Variants in SLC4A10 observed in about 807,000 individuals in gnomAD.
SLC4A10 encodes solute carrier family 4 member 10.
Under a neutral mutation model 137.7 loss-of-function variants are expected in SLC4A10, and 42 were observed. That is an observed-to-expected ratio of 0.30 (90% CI 0.24 to 0.39). The LOEUF (loss-of-function observed/expected upper bound fraction) is 0.39, where lower values mean the gene tolerates loss of function less well. SLC4A10 is among the 10% of genes least tolerant of loss of function. The pLI, the probability that SLC4A10 is intolerant of heterozygous loss-of-function variation, is 1.00. For missense variants in SLC4A10, 925 were observed against 1,355.0 expected (o/e 0.68, Z 4.98); for synonymous variants, 474 against 464.1 (o/e 1.02, Z -0.27).
intron 17 of SLC4A10, among the ~76,000 whole-genome samples, chr2:161,948,137 C>T (rs1694157039): frequency 6.6e-6 from 1 of 152,058 alleles, no homozygotes; most frequent in Admixed American, 6.6e-5. Context: ...ATGTTTAAAC[C>T]GTCAGTCCCT....
In SLC4A10 at chr2:161,904,958, C is replaced by T. The variant is rs1006350167; in HGVS notation, c.1751+49C>T. On this transcript the variant is annotated intron_variant, in intron 14 of 26. Coordinates refer to ENST00000446997, the MANE Select transcript of SLC4A10 (RefSeq NM_001178015.2). ...CCTTAGCCTCTTCCTTTTTTCTTTACTGTATTTATACTTCTCCCAACATCA... is the reference window on the plus strand; with the variant it reads ...CCTTAGCCTCTTCCTTTTTTCTTTATTGTATTTATACTTCTCCCAACATCA... 5.0e-6 allele frequency: 8 copies of T among 1,591,268 alleles called. No individual in the cohort carries two copies. In the South Asian group the frequency reaches 9.0e-5, roughly 18 times the overall value.
rs1484586507 is a variant in SLC4A10, at chr2:161,870,310, C to T, written c.767-1983C>T. On this transcript the variant is annotated intron_variant, in intron 6 of 26. Transcript: ENST00000446997. ...TTCAATTTCTTCAAATGTTAAGTTC[C>T]GCATATTTTCTATCCAATTCAAAAT... Among the ~76,000 whole-genome samples the T allele has an allele frequency of 6.6e-5, 10 of 151,572 alleles. No homozygotes were observed. The East Asian group carries it at 9.6e-4, about 15-fold the overall frequency.
At chr2:161,656,177 T>C (rs954408591) in intron 1 of SLC4A10, among the ~76,000 whole-genome samples, 10 of 152,134 alleles carry the variant, frequency 6.6e-5, no homozygotes, top group Non-Finnish European at 1.2e-4. Context: ...TGGTTCAATA[T>C]TCACAAATCA....
intron 17 of SLC4A10, 36 bp from the exon 18 acceptor site, chr2:161,949,112 G>C: frequency 7.3e-7 from 1 of 1,360,586 alleles, no homozygotes; most frequent in Non-Finnish European, 1.0e-6. Flanking sequence ...GATATTTATA[G>C]CTACTTTAAG....
intron 14 of SLC4A10, among the ~76,000 whole-genome samples, chr2:161,905,215 A>C (rs892169206): frequency 6.6e-6 from 1 of 152,172 alleles, no homozygotes; most frequent in African/African-American, 2.4e-5. Flanking sequence ...GACTGGTTTC[A>C]TGGAAGACAA....
intron 1 of SLC4A10, among the ~76,000 whole-genome samples, chr2:161,635,695 G>A (rs759341718): frequency 6.6e-6 from 1 of 152,040 alleles, no homozygotes; most frequent in Non-Finnish European, 1.5e-5. Context: ...AGTGATTTTG[G>A]CACTGTTTTA....
intron 1 of SLC4A10, among the ~76,000 whole-genome samples, chr2:161,654,863 CT>C (rs2037295290): frequency 6.6e-6 from 1 of 151,874 alleles, no homozygotes; most frequent in Non-Finnish European, 1.5e-5. Context: ...ATTTGGGGTT[CT>C]TTGTGGTCTC....
intron 3 of SLC4A10, among the ~76,000 whole-genome samples, chr2:161,829,052 G>T (rs2058244291): frequency 1.3e-5 from 2 of 150,948 alleles, no homozygotes; most frequent in Admixed American, 6.6e-5. Context: ...TTACCATATA[G>T]TCAAAAATAT....
chr2:161,664,302 T>TA (rs2038790334), intron 1 of SLC4A10, among the ~76,000 whole-genome samples: 1 of 151,952 alleles, frequency 6.6e-6, no homozygotes, highest in African/African-American at 2.4e-5. Context: ...AACTCATAAC[T>TA]AAAAGTCACC....
chr2:161,847,174 T>C (rs1575258345), intron 4 of SLC4A10, among the ~76,000 whole-genome samples: 2 of 150,826 alleles, frequency 1.3e-5, no homozygotes, highest in South Asian at 2.1e-4. Context: ...ACCCAGGAGG[T>C]TGTGGCTGCA....
chr2:161,859,594 CTTTTTTTTTTTTT>C (rs72003642), intron 5 of SLC4A10, among the ~76,000 whole-genome samples: 83 of 47,312 alleles, frequency 1.8e-3, no homozygotes, highest in African/African-American at 6.3e-3. Context: ...CTTTTCTTTT[CTTTTTTTTTTTTT>C]TTTTTTTTTT....
intron 1 of SLC4A10, among the ~76,000 whole-genome samples, chr2:161,722,298 C>G (rs1029720959): frequency 5.3e-5 from 8 of 152,164 alleles, no homozygotes; most frequent in Admixed American, 4.6e-4. Flanking sequence ...TGCATTGGTT[C>G]TTTCTCATCT....
chr2:161,930,949 T>A (rs542339146), intron 15 of SLC4A10, among the ~76,000 whole-genome samples: 2 of 105,154 alleles, frequency 1.9e-5, no homozygotes, highest in Non-Finnish European at 4.3e-5. Context: ...ATTTTGTTTT[T>A]TAAGACGCGT....
intron 1 of SLC4A10, among the ~76,000 whole-genome samples, chr2:161,758,552 A>T (rs1347334084): frequency 6.6e-6 from 1 of 151,974 alleles, no homozygotes; most frequent in Non-Finnish European, 1.5e-5. Flanking sequence ...GACTGTTCAA[A>T]TCTAATTTAC....
At chr2:161,743,773 G>A (rs58776857) in intron 1 of SLC4A10, among the ~76,000 whole-genome samples, 363 of 152,126 alleles carry the variant, frequency 2.4e-3, no homozygotes, top group African/African-American at 7.9e-3. Context: ...CATGAACATG[G>A]AACATCTTTC....
chr2:161,643,773 A>G (rs1358939558), intron 1 of SLC4A10, among the ~76,000 whole-genome samples: 1 of 152,166 alleles, frequency 6.6e-6, no homozygotes, highest in Non-Finnish European at 1.5e-5. Context: ...CTTTTCTATC[A>G]TGAAGTCATT....
chr2:161,676,827 G>A (rs1411634785), intron 1 of SLC4A10, among the ~76,000 whole-genome samples: 2 of 152,012 alleles, frequency 1.3e-5, no homozygotes, highest in East Asian at 1.9e-4. Flanking sequence ...CTGCACTCTC[G>A]TTTGTAGTTC....
chr2:161,872,973 C>G (rs1575390899), intron 7 of SLC4A10, among the ~76,000 whole-genome samples: 1 of 152,310 alleles, frequency 6.6e-6, no homozygotes, highest in South Asian at 2.1e-4. Context: ...CTCAGCCTCT[C>G]AAAGTGCTGG....
chr2:161,939,376 G>T (rs899119584), intron 15 of SLC4A10, among the ~76,000 whole-genome samples: 5 of 152,046 alleles, frequency 3.3e-5, no homozygotes, highest in Admixed American at 2.0e-4. Context: ...CACCTGTCCA[G>T]ATTTAGCTAA....
Sources: allele counts gnomAD v4.1 joint callset (sites outside exome capture counted in the v4.1 genomes callset), GRCh38; gene constraint gnomAD v4.1.1; transcripts MANE v1.5; gene names NCBI Gene and HGNC (gene_info 2026-07-23, HGNC 2026-07-21).